The following CHST9 variants were observed in gnomAD, a reference collection of about 807,000 sequenced individuals.
The protein encoded by CHST9 is carbohydrate sulfotransferase 9, also known as GalNAc-4-sulfotransferase 2.
CHST9 carries 41 observed loss-of-function variants against 44.4 expected under a neutral mutation model. That is an observed-to-expected ratio of 0.92 (90% confidence interval 0.72 to 1.20). The LOEUF (loss-of-function observed/expected upper bound fraction) is 1.20, where lower values mean the gene tolerates loss of function less well. Ranked by LOEUF, CHST9 falls within the 50% of genes most tolerant of loss-of-function variation. CHST9 has a pLI of 0.00. For synonymous variants in CHST9, 171 were observed against 178.4 expected (o/e 0.96, Z 0.33); for missense variants, 504 against 516.5 (o/e 0.98, Z 0.23).
intron 4 of CHST9, among the ~76,000 whole-genome samples, chr18:26,966,606 T>C (rs1351171958): frequency 6.6e-6 from 1 of 152,186 alleles, no homozygotes; most frequent in African/African-American, 2.4e-5. Context: ...TGCACTTGTA[T>C]GTGTACCTGT....
chr18:27,001,689 A>C (rs1281808206), intron 4 of CHST9, among the ~76,000 whole-genome samples: 1 of 139,422 alleles, frequency 7.2e-6, no homozygotes, highest in Non-Finnish European at 1.6e-5. Flanking sequence ...AGACCTCAGA[A>C]TGCATGGTGG....
chr18:26,948,671 G>C (rs335928), intron 4 of CHST9, among the ~76,000 whole-genome samples: 1 of 151,972 alleles, frequency 6.6e-6, no homozygotes, highest in Non-Finnish European at 1.5e-5. Context: ...CAATTACTAG[G>C]TGTTTGAACT....
chr18:27,116,353 G>A (rs894266061), intron 2 of CHST9, among the ~76,000 whole-genome samples: 25 of 152,192 alleles, frequency 1.6e-4, no homozygotes, highest in African/African-American at 5.8e-4. Flanking sequence ...ATTTACGCCA[G>A]TATTATTTGT....
chr18:26,934,270 T>A (rs2055938066), intron 5 of CHST9: 1 of 152,308 alleles, frequency 6.6e-6, no homozygotes, highest in African/African-American at 2.4e-5. Context: ...AGTCTTGCTC[T>A]GTCCCCCAGG....
chr18:27,128,098 A>G (rs1054988392), intron 2 of CHST9, among the ~76,000 whole-genome samples: 1 of 152,174 alleles, frequency 6.6e-6, no homozygotes, highest in Non-Finnish European at 1.5e-5. Context: ...GTACCAATCC[A>G]TCTTGTGTAA....
At chr18:27,104,546 C>A (rs1317393595) in intron 2 of CHST9, among the ~76,000 whole-genome samples, 1 of 152,168 alleles carries the variant, frequency 6.6e-6, no homozygotes, top group East Asian at 1.9e-4. Flanking sequence ...GTGATTCTTG[C>A]AACATGCCAA....
chr18:27,156,127 C>A, intron 1 of CHST9, among the ~76,000 whole-genome samples: 1 of 148,244 alleles, frequency 6.7e-6, no homozygotes, highest in African/African-American at 2.5e-5. Flanking sequence ...ATTTAAGGAA[C>A]AGTAGGAATG....
chr18:27,067,227 C>T (rs920503774), intron 2 of CHST9, among the ~76,000 whole-genome samples: 4 of 151,866 alleles, frequency 2.6e-5, no homozygotes, highest in African/African-American at 9.7e-5. Context: ...TCACCATAAC[C>T]GACTTTTTTT....
intron 2 of CHST9, among the ~76,000 whole-genome samples, chr18:27,086,986 T>C (rs2058019266): frequency 6.6e-6 from 1 of 152,150 alleles, no homozygotes; most frequent in African/African-American, 2.4e-5. Flanking sequence ...CCCTAAAACA[T>C]GATTTATGCA....
chr18:26,927,016 C>A (rs2055780392), intron 5 of CHST9, among the ~76,000 whole-genome samples: 1 of 152,114 alleles, frequency 6.6e-6, no homozygotes, highest in Non-Finnish European at 1.5e-5. Flanking sequence ...AGCCAGCCTC[C>A]CCTCCCCTTG....
intron 2 of CHST9, among the ~76,000 whole-genome samples, chr18:27,058,310 G>A (rs921961172): frequency 1.3e-5 from 2 of 152,008 alleles, no homozygotes; most frequent in East Asian, 1.9e-4. Flanking sequence ...TTATTATATT[G>A]AGAAAAACTG....
At chr18:27,132,993 C>A (rs2058484567) in intron 2 of CHST9, among the ~76,000 whole-genome samples, 1 of 152,160 alleles carries the variant, frequency 6.6e-6, no homozygotes, top group Non-Finnish European at 1.5e-5. Flanking sequence ...AGGTACTCAG[C>A]CTATATTCCA....
intron 4 of CHST9, among the ~76,000 whole-genome samples, chr18:26,975,445 G>A (rs1036253563): frequency 2.0e-4 from 30 of 151,666 alleles, no homozygotes; most frequent in African/African-American, 5.8e-4. Flanking sequence ...CCACCACTCC[G>A]AGTCTCCATT....
At chr18:27,076,570 C>T (rs1410758528) in intron 2 of CHST9, among the ~76,000 whole-genome samples, 1 of 152,130 alleles carries the variant, frequency 6.6e-6, no homozygotes, top group Non-Finnish European at 1.5e-5. Flanking sequence ...CCTATACTTC[C>T]CTACCAACTC....
intron 2 of CHST9, among the ~76,000 whole-genome samples, chr18:27,093,346 C>T (rs901562721): frequency 6.6e-6 from 1 of 152,238 alleles, no homozygotes; most frequent in Non-Finnish European, 1.5e-5. Context: ...TATGCCCTGC[C>T]AACAGAGGTG....
At chr18:26,969,533 C>A (rs1007368672) in intron 4 of CHST9, among the ~76,000 whole-genome samples, 2 of 152,114 alleles carry the variant, frequency 1.3e-5, no homozygotes, top group Non-Finnish European at 2.9e-5. Context: ...TTCTTGAAAA[C>A]CGACCGGGCT....
rs562257438 is a variant in CHST9, at chr18:27,134,424, G to A, written c.121+8265C>T. ...TACTTTTCATTTTCATACAAAGTGG[G>A]AGGGTTGAAATACAACCAGGACTAC... On this transcript the variant is annotated intron_variant, in intron 2 of 5. Transcript: ENST00000618847. 5.9e-5 allele frequency among the ~76,000 whole-genome samples: 9 copies of A among 152,262 alleles called. No individual in the cohort carries two copies. The South Asian group carries it at 1.5e-3, about 25-fold the overall frequency.
At chr18:27,001,446 T>G (rs2056952350) in intron 4 of CHST9, among the ~76,000 whole-genome samples, 1 of 152,158 alleles carries the variant, frequency 6.6e-6, no homozygotes, top group Non-Finnish European at 1.5e-5. Flanking sequence ...TTGCAAACAA[T>G]TTTTTACTGC....
At chr18:27,179,561 T>C (rs2058895388) in intron 1 of CHST9, among the ~76,000 whole-genome samples, 1 of 152,070 alleles carries the variant, frequency 6.6e-6, no homozygotes, top group African/African-American at 2.4e-5. Flanking sequence ...GTGGTGGTAG[T>C]GGTGGTGTGC....
Sources: gnomAD v4.1 joint callset for allele counts (sites outside exome capture counted in the v4.1 genomes callset) on GRCh38, gnomAD v4.1.1 for gene constraint, MANE v1.5 for transcripts, NCBI Gene and HGNC (gene_info 2026-07-23, HGNC 2026-07-21) for gene names.